Variants in KLRG1 observed in about 807,000 individuals in gnomAD.
KLRG1 encodes killer cell lectin like receptor G1, also known as killer cell lectin-like receptor subfamily G member 1.
Under a neutral mutation model 21.8 loss-of-function variants are expected in KLRG1, and 16 were observed. That is an observed-to-expected ratio of 0.73 (90% CI 0.50 to 1.11). The LOEUF (loss-of-function observed/expected upper bound fraction) is 1.11, where lower values mean the gene tolerates loss of function less well. KLRG1 is among the 50% of genes most tolerant of loss of function. The pLI, the probability that KLRG1 is intolerant of heterozygous loss-of-function variation, is 0.00. For missense variants in KLRG1, 173 were observed against 218.3 expected, an observed-to-expected ratio of 0.79 and a Z score of 1.31; for synonymous variants, 69 against 75.9, an observed-to-expected ratio of 0.91 and a Z score of 0.47.
chr12:8,965,622 A>G (rs1946456518), intron 1 of KLRG1, among the ~76,000 whole-genome samples: 1 of 152,152 alleles, frequency 6.6e-6, no homozygotes, highest in African/African-American at 2.4e-5. Context: ...TAGGAATCCA[A>G]CTTACAAGGG....
At chr12:9,151,464 A>T in the KLRG1 span, 1 of 583,250 alleles carries the variant, frequency 1.7e-6, no homozygotes. Flanking sequence ...TTCCCCTCTT[A>T]TTCTTCTTGG....
chr12:9,090,647 G>A, the KLRG1 span: 4 of 688,118 alleles, frequency 5.8e-6, no homozygotes, highest in Non-Finnish European at 9.4e-6. Context: ...GGATCTTAAT[G>A]TATCAGATTT....
At chr12:9,148,932 A>G in the KLRG1 span, 44 of 1,549,910 alleles carry the variant, frequency 2.8e-5, no homozygotes, top group Admixed American at 1.2e-4. Context: ...GTAAATGTAT[A>G]GGACAGAGAA....
the KLRG1 span, chr12:9,194,043 C>A: frequency 6.3e-7 from 1 of 1,575,332 alleles, no homozygotes; most frequent in Admixed American, 1.7e-5. Context: ...CTAACATTTC[C>A]TTTGTCCTCA....
the KLRG1 span, among the ~76,000 whole-genome samples, chr12:9,051,638 T>A: frequency 2.0e-5 from 3 of 152,224 alleles, no homozygotes; most frequent in Admixed American, 6.5e-5. Context: ...CTTGTCTGCA[T>A]ACGGGAAAAT....
In KLRG1 at chr12:9,009,913, C is replaced by T. The variant is rs1340759156; in HGVS notation, c.*376C>T. On this transcript the variant is annotated 3_prime_UTR_variant, in exon 5 of 5. Transcript: ENST00000356986. ...CTGATAAAATCTATGCCAATATATA[C>T]TATTGCTTGTGTACTAGAGAAGTAC... 2.0e-6 allele frequency: 3 copies of T among 1,520,968 alleles called. No individual in the cohort carries two copies. The highest frequency in any genetic ancestry group is 2.8e-5 in the African/African-American group (2 of 72,484). The allele number at this position is 1,520,968 out of a possible 1,614,324, so 94.2% of individuals were successfully genotyped here.
At chr12:9,099,585 T>G in the KLRG1 span, 1 of 1,529,364 alleles carries the variant, frequency 6.5e-7, no homozygotes. Flanking sequence ...CATTAGTAGA[T>G]GTAACAGACA....
In KLRG1 at chr12:9,009,962, A is replaced by C. The variant is rs1046370867; in HGVS notation, c.*425A>C. The stretch of plus-strand genomic sequence containing the variant: ...ACATTATTGCTGTACTCCTCTGTAC[A>C]TTACTGATCCCTGATGGTATATTTC... On this transcript the variant is annotated 3_prime_UTR_variant, in exon 5 of 5. Coordinates refer to ENST00000356986, the MANE Select transcript of KLRG1 (RefSeq NM_005810.4). The C allele has an allele frequency of 2.0e-6, 3 of 1,530,920 alleles. No homozygotes were observed. The highest frequency in any genetic ancestry group is 2.7e-5 in the African/African-American group (2 of 72,854). The allele number at this position is 1,530,920 out of a possible 1,614,324, so 94.8% of individuals were successfully genotyped here.
At chr12:9,006,463 C>T (rs754572168) in intron 3 of KLRG1, among the ~76,000 whole-genome samples, 4 of 152,112 alleles carry the variant, frequency 2.6e-5, no homozygotes, top group Admixed American at 2.0e-4. Flanking sequence ...AAAGAAGGCT[C>T]ATGTGGCTGG....
the KLRG1 span, chr12:9,169,366 A>G: frequency 1.1e-5 from 15 of 1,397,610 alleles, no homozygotes; most frequent in African/African-American, 1.5e-5. Flanking sequence ...ATGAATAGAT[A>G]CAGAGTTTTA....
chr12:9,112,057 G>A, the KLRG1 span: 1 of 1,070,168 alleles, frequency 9.3e-7, no homozygotes, highest in African/African-American at 1.5e-5. Context: ...TACTGTTAAT[G>A]ATACCAGATT....
At chr12:9,059,927 G>A in the KLRG1 span, among the ~76,000 whole-genome samples, 3 of 149,862 alleles carry the variant, frequency 2.0e-5, no homozygotes, top group East Asian at 1.9e-4. Context: ...CAATCCATCC[G>A]CCTTGGCCTC....
intron 3 of KLRG1, among the ~76,000 whole-genome samples, chr12:9,007,538 T>C (rs1249877344): frequency 6.6e-6 from 1 of 152,240 alleles, no homozygotes; most frequent in Non-Finnish European, 1.5e-5. Flanking sequence ...CCCTAAGTGC[T>C]GGGATCACAG....
At chr12:9,160,758 C>CA in the KLRG1 span, among the ~76,000 whole-genome samples, 3 of 151,846 alleles carry the variant, frequency 2.0e-5, no homozygotes, top group Non-Finnish European at 4.4e-5. Flanking sequence ...ACTAAAAATA[C>CA]AAAAAAATTA....
chr12:9,152,440 T>C, the KLRG1 span: 1 of 688,708 alleles, frequency 1.5e-6, no homozygotes, highest in Admixed American at 2.4e-5. Flanking sequence ...AGGTCTGTGT[T>C]CCCTGGACTT....
the KLRG1 span, among the ~76,000 whole-genome samples, chr12:9,214,618 A>G: frequency 6.6e-6 from 1 of 152,010 alleles, no homozygotes; most frequent in African/African-American, 2.4e-5. Context: ...TTTTTAAATG[A>G]CATATTGTTT....
chr12:9,211,796 G>T, the KLRG1 span, among the ~76,000 whole-genome samples: 1 of 152,216 alleles, frequency 6.6e-6, no homozygotes, highest in Non-Finnish European at 1.5e-5. Context: ...TGACAAGATT[G>T]CTTCCAGAAT....
the KLRG1 span, among the ~76,000 whole-genome samples, chr12:9,187,763 AAAGAAC>A: frequency 3.3e-5 from 5 of 152,220 alleles, no homozygotes; most frequent in East Asian, 9.6e-4. Context: ...ATCACAACTG[AAAGAAC>A]TAGTGGGTCA....
downstream of KLRG1, among the ~76,000 whole-genome samples, chr12:9,012,554 C>A (rs928785230): frequency 3.3e-5 from 5 of 151,810 alleles, no homozygotes; most frequent in Non-Finnish European, 7.4e-5. Context: ...ACATTGTTAG[C>A]TATGGTAGCC....
Sources: gnomAD v4.1 joint callset for allele counts (sites outside exome capture counted in the v4.1 genomes callset) on GRCh38, gnomAD v4.1.1 for gene constraint, MANE v1.5 for transcripts, NCBI Gene and HGNC (gene_info 2026-07-23, HGNC 2026-07-21) for gene names.